RHOJ: variants seen among roughly 807,000 people sequenced by gnomAD.
RHOJ encodes the protein rho-related GTP-binding protein RhoJ.
A neutral mutation model predicts 23.4 loss-of-function variants in RHOJ; 11 were observed. That is an observed-to-expected ratio of 0.47 (90% CI 0.30 to 0.78). The LOEUF (loss-of-function observed/expected upper bound fraction) is 0.78. Among genes scored for constraint, RHOJ ranks in the 30% least tolerant of loss-of-function variants. The probability of loss-of-function intolerance (pLI) is 0.08; values close to 1 mark genes in which losing one functional copy is unlikely to be tolerated. For missense variants in RHOJ, 254 were observed against 273.4 expected, an observed-to-expected ratio of 0.93 and a Z score of 0.50; for synonymous variants, 102 against 102.7, an observed-to-expected ratio of 0.99 and a Z score of 0.04.
chr14:63,269,382 G>A, intron 2 of RHOJ: 2 of 424,588 alleles, frequency 4.7e-6, no homozygotes, highest in Non-Finnish European at 8.4e-6. Context: ...GGCATTGATA[G>A]GTAAATAATG....
intron 1 of RHOJ, among the ~76,000 whole-genome samples, chr14:63,259,748 C>T (rs1175922234): frequency 6.6e-6 from 1 of 152,054 alleles, no homozygotes; most frequent in African/African-American, 2.4e-5. Flanking sequence ...ATGAATATTT[C>T]TTGACATATA....
Position 63,204,949 on chromosome 14 carries a change from T to G in RHOJ, c.80T>G (p.Val27Gly), listed in dbSNP as rs763141235. ...DEKKMLKCVV[V>G]GDGAVGKTCL... ...AAGAAGATGTTGAAGTGTGTGGTGGTGGGGGACGGTGCCGTGGGGAAAACC... is the reference window on the plus strand; with the variant it reads ...AAGAAGATGTTGAAGTGTGTGGTGGGGGGGGACGGTGCCGTGGGGAAAACC... Residue 27 changes from valine (V) to glycine (G), a missense_variant, in exon 1 of 5, where the codon GTG becomes GGG. Transcript: ENST00000316754. 1 of 1,614,000 alleles carries G rather than the reference T, an allele frequency of 6.2e-7. No homozygotes were observed. Among genetic ancestry groups the G allele is most frequent in the African/African-American group, 1.3e-5 (1 of 74,914 alleles).
intron 1 of RHOJ, among the ~76,000 whole-genome samples, chr14:63,239,089 GT>G (rs922126655): frequency 1.2e-4 from 18 of 151,552 alleles, no homozygotes; most frequent in Non-Finnish European, 2.2e-4. Flanking sequence ...CCAACTCATG[GT>G]TTTTTTTCTG....
At chr14:63,230,696 C>T (rs1403425205) in intron 1 of RHOJ, among the ~76,000 whole-genome samples, 1 of 93,184 alleles carries the variant, frequency 1.1e-5, no homozygotes, top group Non-Finnish European at 2.3e-5. Flanking sequence ...CATATGTACA[C>T]ACACACACAC....
At chr14:63,229,735 C>T (rs1442980744) in intron 1 of RHOJ, among the ~76,000 whole-genome samples, 1 of 152,190 alleles carries the variant, frequency 6.6e-6, no homozygotes, top group African/African-American at 2.4e-5. Context: ...TTAAAGGGAA[C>T]ATGTGACTCA....
At chr14:63,245,013 G>A (rs1894951238) in intron 1 of RHOJ, among the ~76,000 whole-genome samples, 2 of 152,208 alleles carry the variant, frequency 1.3e-5, no homozygotes, top group South Asian at 4.1e-4. Flanking sequence ...TTTACACACA[G>A]TGTCCAGGGC....
rs368184589 is a variant in RHOJ, at chr14:63,253,553, T to C, written c.179-15557T>C. 4.6e-5 allele frequency among the ~76,000 whole-genome samples: 7 copies of C among 152,272 alleles called. 1 individual carries two copies. Among genetic ancestry groups the C allele is most frequent in the African/African-American group, 1.7e-4 (7 of 41,564 alleles). Reference sequence around the variant, plus strand: ...GCCCCTAGATAAAATTTGAAATCATTTGCTTAGTTATTTTCTTGTATTCAT... The same window carrying C: ...GCCCCTAGATAAAATTTGAAATCATCTGCTTAGTTATTTTCTTGTATTCAT... On this transcript the variant is annotated intron_variant, in intron 1 of 4. Coordinates refer to ENST00000316754, the MANE Select transcript of RHOJ (RefSeq NM_020663.5).
intron 1 of RHOJ, among the ~76,000 whole-genome samples, chr14:63,257,707 T>C (rs1385211686): frequency 1.4e-5 from 2 of 142,616 alleles, no homozygotes; most frequent in South Asian, 2.2e-4. Flanking sequence ...TTTTTTCCCC[T>C]CCTCTGATTT....
At chr14:63,218,939 G>C (rs1050980963) in intron 1 of RHOJ, among the ~76,000 whole-genome samples, 3 of 152,182 alleles carry the variant, frequency 2.0e-5, no homozygotes, top group Non-Finnish European at 4.4e-5. Flanking sequence ...TGATGTCCGA[G>C]TGCTGCACTT....
At chr14:63,232,694 C>CTTTTTTTTTTTT (rs373918863) in intron 1 of RHOJ, among the ~76,000 whole-genome samples, 1 of 115,648 alleles carries the variant, frequency 8.6e-6, no homozygotes. Flanking sequence ...TTTTTCTTGC[C>CTTTTTTTTTTTT]TTTTTTTTTT....
chr14:63,209,418 A>G (rs1231357173), intron 1 of RHOJ, among the ~76,000 whole-genome samples: 6 of 152,104 alleles, frequency 3.9e-5, no homozygotes, highest in Non-Finnish European at 7.4e-5. Flanking sequence ...CCATCTTGTT[A>G]TTCCTCAAGC....
At chr14:63,240,973 A>G in intron 1 of RHOJ, among the ~76,000 whole-genome samples, 1 of 152,356 alleles carries the variant, frequency 6.6e-6, no homozygotes, top group South Asian at 2.1e-4. Flanking sequence ...AATTCAACCC[A>G]TGGCAAGTCC....
At chr14:63,243,333 A>G (rs531741863) in intron 1 of RHOJ, among the ~76,000 whole-genome samples, 2 of 152,076 alleles carry the variant, frequency 1.3e-5, no homozygotes, top group African/African-American at 4.8e-5. Context: ...ATAAAACTTG[A>G]CATTTCTTTT....
At chr14:63,223,063 T>C (rs573410693) in intron 1 of RHOJ, among the ~76,000 whole-genome samples, 1 of 152,120 alleles carries the variant, frequency 6.6e-6, no homozygotes, top group South Asian at 2.1e-4. Flanking sequence ...CAGAGCAGAG[T>C]TTGGGCTCAT....
intron 1 of RHOJ, among the ~76,000 whole-genome samples, chr14:63,233,407 C>T (rs1326009734): frequency 6.6e-6 from 1 of 152,078 alleles, no homozygotes; most frequent in Non-Finnish European, 1.5e-5. Context: ...TTGAATTGCA[C>T]TTTAAATGGA....
chr14:63,242,550 C>G (rs1894901665), intron 1 of RHOJ, among the ~76,000 whole-genome samples: 1 of 152,026 alleles, frequency 6.6e-6, no homozygotes, highest in African/African-American at 2.4e-5. Context: ...GACGACAGAG[C>G]AAGATCCTGT....
rs1216742138 is a variant in RHOJ at position 63,269,102 on chromosome 14, TC to T, written c.179-4del. 3 of 1,607,050 alleles carry T rather than the reference TC, an allele frequency of 1.9e-6. No individual in the cohort carries two copies. In the African/African-American group the frequency reaches 4.0e-5, roughly 21 times the overall value. On this transcript the variant is annotated splice_region_variant and splice_polypyrimidine_tract_variant and intron_variant, in intron 1 of 4. Transcript: ENST00000316754. ...TCTCCTCTTCTTTTCTTTTCTCTTCTCCCCTAGTTACTGTGACTGTGGGAGG... is the reference window on the plus strand; with the variant it reads ...TCTCCTCTTCTTTTCTTTTCTCTTCTCCCTAGTTACTGTGACTGTGGGAGG...
Position 63,268,782 on chromosome 14 carries a change from G to C in RHOJ, c.179-328G>C, listed in dbSNP as rs1396155972. Among the ~76,000 whole-genome samples the C allele has an allele frequency of 1.3e-5, 2 of 152,132 alleles. 1 individual carries two copies. Among genetic ancestry groups the C allele is most frequent in the Non-Finnish European group, 2.9e-5 (2 of 68,026 alleles). Reference sequence around the variant, plus strand: ...AGAAGGCAATAACCTAATGAAAAAGGGGCCCAGCATTCTTTTTCATCAGAA... The same window carrying C: ...AGAAGGCAATAACCTAATGAAAAAGCGGCCCAGCATTCTTTTTCATCAGAA... On this transcript the variant is annotated intron_variant, in intron 1 of 4. Coordinates refer to ENST00000316754, the MANE Select transcript of RHOJ (RefSeq NM_020663.5).
chr14:63,219,642 C>T (rs1235524645), intron 1 of RHOJ, among the ~76,000 whole-genome samples: 2 of 152,008 alleles, frequency 1.3e-5, no homozygotes, highest in African/African-American at 4.8e-5. Flanking sequence ...ATGGTGAAAC[C>T]CTGTCTCTAC....
Sources: allele counts gnomAD v4.1 joint callset (sites outside exome capture counted in the v4.1 genomes callset), GRCh38; gene constraint gnomAD v4.1.1; transcripts MANE v1.5; gene names NCBI Gene and HGNC (gene_info 2026-07-23, HGNC 2026-07-21).